USP47: variants seen among roughly 807,000 people sequenced by gnomAD.
USP47 encodes the protein ubiquitin carboxyl-terminal hydrolase 47.
USP47 carries 35 observed loss-of-function variants against 165.1 expected under a neutral mutation model. The observed-to-expected ratio is 0.21, with a 90% CI of 0.16 to 0.28. USP47 has a LOEUF of 0.28. Among genes scored for constraint, USP47 ranks in the 10% least tolerant of loss-of-function variants. The pLI is 1.00. For synonymous variants in USP47, 531 were observed against 544.5 expected, an observed-to-expected ratio of 0.98 and a Z score of 0.35; for missense variants, 1,277 against 1,607.4, an observed-to-expected ratio of 0.79 and a Z score of 3.52.
intron 27 of USP47, among the ~76,000 whole-genome samples, chr11:11,955,532 A>G (rs1466641500): frequency 2.0e-5 from 3 of 152,220 alleles, no homozygotes; most frequent in Non-Finnish European, 4.4e-5. Context: ...ATATTTCACA[A>G]GCTCAATAGC....
Position 11,892,693 on chromosome 11 carries a change from G to A in USP47, c.496+587G>A, listed in dbSNP as rs565117506. Among the ~76,000 whole-genome samples the A allele has an allele frequency of 5.9e-5, 9 of 151,654 alleles. No individual in the cohort carries two copies. The South Asian group carries it at 1.5e-3, about 25-fold the overall frequency. The stretch of plus-strand genomic sequence containing the variant: ...TAGCTGGGCATGGTCGCTGTTGCTT[G>A]TAGTCCCAGCTCCTCAGGAGGCTTA... On this transcript the variant is annotated intron_variant, in intron 4 of 27. Coordinates refer to ENST00000527733, the MANE Select transcript of USP47 (RefSeq NM_001282659.2).
chr11:11,863,495 A>G (rs975706139), intron 1 of USP47, among the ~76,000 whole-genome samples: 2 of 152,224 alleles, frequency 1.3e-5, no homozygotes, highest in Non-Finnish European at 2.9e-5. Context: ...CTTAACTTCT[A>G]TAGCTAACAC....
At chr11:11,865,712 G>C (rs1849637915) in intron 1 of USP47, among the ~76,000 whole-genome samples, 3 of 151,452 alleles carry the variant, frequency 2.0e-5, no homozygotes, top group African/African-American at 7.3e-5. Context: ...TCATTTCAAT[G>C]GCCATCTTAT....
intron 1 of USP47, among the ~76,000 whole-genome samples, chr11:11,846,557 G>A (rs531503656): frequency 6.6e-6 from 1 of 152,076 alleles, no homozygotes; most frequent in East Asian, 1.9e-4. Context: ...CACTACTTCT[G>A]TCTGGAACTG....
At chr11:11,856,545 A>G (rs918953825) in intron 1 of USP47, 3 of 152,298 alleles carry the variant, frequency 2.0e-5, no homozygotes, top group Non-Finnish European at 4.4e-5. Flanking sequence ...TTTGATATGG[A>G]TAAAACAAAG....
At chr11:11,849,879 A>G (rs1449885963) in intron 1 of USP47, among the ~76,000 whole-genome samples, 1 of 152,008 alleles carries the variant, frequency 6.6e-6, no homozygotes, top group Non-Finnish European at 1.5e-5. Context: ...TGTTTTATGG[A>G]TAGTTTGGCT....
At chr11:11,910,463 A>G (rs1162503711) in intron 8 of USP47, among the ~76,000 whole-genome samples, 1 of 152,156 alleles carries the variant, frequency 6.6e-6, no homozygotes, top group African/African-American at 2.4e-5. Context: ...CCACAGAAAG[A>G]AAAGGCCTTA....
At chr11:11,929,680 C>G (rs1166347968) in intron 12 of USP47, 115 bp downstream of exon 12, 1 of 1,379,284 alleles carries the variant, frequency 7.3e-7, no homozygotes, top group African/African-American at 1.5e-5. Context: ...ATCTTAAGAC[C>G]CATATCAAAT....
chr11:11,856,442 A>G (rs543039279), intron 1 of USP47: 1 of 152,212 alleles, frequency 6.6e-6, no homozygotes, highest in African/African-American at 2.4e-5. Context: ...TTTGTTTTTT[A>G]AGAATAAAAT....
At chr11:11,842,990 A>G (rs1272766461) in intron 1 of USP47, among the ~76,000 whole-genome samples, 1 of 152,190 alleles carries the variant, frequency 6.6e-6, no homozygotes. Context: ...AGCACTGGCC[A>G]GCGAATTTCA....
chr11:11,905,325 A>G (rs1343060041), intron 7 of USP47, 74 bp from the exon 8 acceptor site: 1 of 1,111,930 alleles, frequency 9.0e-7, no homozygotes, highest in African/African-American at 1.6e-5. Flanking sequence ...AACCATTCTA[A>G]AAAGTGTAGA....
intron 4 of USP47, among the ~76,000 whole-genome samples, chr11:11,893,872 T>C (rs938565906): frequency 7.9e-5 from 12 of 152,196 alleles, no homozygotes; most frequent in Non-Finnish European, 2.9e-5. Flanking sequence ...ATCTTTCGTT[T>C]ACTATATTTT....
chr11:11,955,300 C>T (rs1856492320), intron 27 of USP47, 136 bp downstream of exon 27: 3 of 1,091,156 alleles, frequency 2.7e-6, no homozygotes, highest in Admixed American at 6.1e-5. Context: ...GACAGCCAAA[C>T]ATGATTATAA....
At position 11,958,509 on chromosome 11, in the gene USP47, G is replaced by A. The variant is rs1380616480; in HGVS notation, c.*2334G>A. On this transcript the variant is annotated 3_prime_UTR_variant, in exon 28 of 28. Transcript: ENST00000527733. ...TAACAGGCAGAGCCCTAGCGATGTG[G>A]ATCAAGTTTCCTGAGCCCGGGGGCG... 1 of 152,238 alleles carries A rather than the reference G, an allele frequency of 6.6e-6. No homozygotes were observed. Among genetic ancestry groups the A allele is most frequent in the Non-Finnish European group, 1.5e-5 (1 of 68,042 alleles). 9.4% of individuals were successfully genotyped at this position (152,238 alleles called of 1,614,324 possible). A position where few individuals can be genotyped will look rare whatever the true frequency, so the allele number is the denominator to read the frequency against.
chr11:11,935,226 C>T (rs1452247777), intron 16 of USP47, among the ~76,000 whole-genome samples: 1 of 152,044 alleles, frequency 6.6e-6, no homozygotes, highest in Non-Finnish European at 1.5e-5. Context: ...CTGCCCCTCA[C>T]TAAACTATAA....
At chr11:11,842,324 CTCGGCTGTGGGGGA>C in intron 1 of USP47, 100 bp downstream of exon 1, 1 of 1,386,140 alleles carries the variant, frequency 7.2e-7, no homozygotes, top group East Asian at 2.6e-5. Context: ...GGGGTGCAGG[CTCGGCTGTGGGGGA>C]ATGAGGAGGC....
rs1847328446 is a variant in USP47 at position 11,958,789 on chromosome 11, T to A, written c.*2614T>A. ...GACCATGCCGTGTGTAGCTGATCTG[T>A]ACGGGACGTGTATGTAAGGAAGAGC... On this transcript the variant is annotated 3_prime_UTR_variant, in exon 28 of 28. Transcript: ENST00000527733. 6.6e-6 allele frequency: 1 copy of A among 152,222 alleles called. No individual in the cohort carries two copies. The highest frequency in any genetic ancestry group is 1.5e-5 in the Non-Finnish European group (1 of 68,050). The allele number at this position is 152,222 out of a possible 1,614,324, so 9.4% of individuals were successfully genotyped here.
intron 24 of USP47, among the ~76,000 whole-genome samples, 182 bp downstream of exon 24, chr11:11,950,664 C>A (rs928982056): frequency 6.6e-6 from 1 of 152,074 alleles, no homozygotes; most frequent in Non-Finnish European, 1.5e-5. Context: ...TACGTCTTAT[C>A]CTTGGGAGTT....
chr11:11,851,753 C>T (rs1311721472), intron 1 of USP47, among the ~76,000 whole-genome samples: 1 of 152,072 alleles, frequency 6.6e-6, no homozygotes, highest in African/African-American at 2.4e-5. Context: ...GATAATTTTT[C>T]AGTCTTCATT....
Sources: gnomAD v4.1 joint callset for allele counts (sites outside exome capture counted in the v4.1 genomes callset) on GRCh38, gnomAD v4.1.1 for gene constraint, MANE v1.5 for transcripts, NCBI Gene and HGNC (gene_info 2026-07-23, HGNC 2026-07-21) for gene names.